The following PCSK6 variants were observed in gnomAD, a reference collection of about 807,000 sequenced individuals.
PCSK6 encodes proprotein convertase subtilisin/kexin type 6, also known as paired basic amino acid cleaving enzyme 4.
Under a neutral mutation model 123.3 loss-of-function variants are expected in PCSK6, and 85 were observed. That is an observed-to-expected ratio of 0.69 (90% CI 0.58 to 0.83). The LOEUF is 0.83. PCSK6 is among the 40% of genes least tolerant of loss of function. PCSK6 has a pLI of 0.00. For missense variants in PCSK6, 1,191 were observed against 1,282.3 expected (o/e 0.93, Z 1.09); for synonymous variants, 508 against 516.0 (o/e 0.98, Z 0.21).
In PCSK6 at chr15:101,366,210, T is replaced by C. The variant is rs781547294; in HGVS notation, c.1844A>G (p.Asn615Ser). ...GAGCCACTGACCTTGCTTCTCCGGG[T>C]TGCGGACCTGGGATGGCAGATCTTG... ...EIQDLPSQVR[N>S]PEKQGKLKEW... The change falls in exon 13 of 22, where the codon AAC (asparagine) becomes AGC (serine). Residue 615 changes from asparagine (N) to serine (S), a missense_variant. Physicochemically the swap from Asn to Ser is conservative, Grantham distance 46. Around this residue, in one of 3 missense-constraint regions of PCSK6, gnomAD observed 630 missense variants for 631.4 expected, o/e 1.00. Coordinates refer to ENST00000611716, the MANE Select transcript of PCSK6 (RefSeq NM_002570.5). 3.7e-6 allele frequency: 6 copies of C among 1,612,502 alleles called. No homozygotes were observed. In the African/African-American group the frequency reaches 8.0e-5, roughly 22 times the overall value.
At chr15:101,431,666 G>A (rs2056451476) in intron 3 of PCSK6, among the ~76,000 whole-genome samples, 2 of 152,232 alleles carry the variant, frequency 1.3e-5, no homozygotes, top group Admixed American at 6.5e-5. Context: ...TTCTGCACCT[G>A]CAATCTATAT....
chr15:101,403,758 T>C (rs1256639316), intron 6 of PCSK6, among the ~76,000 whole-genome samples: 2 of 152,182 alleles, frequency 1.3e-5, no homozygotes, highest in Non-Finnish European at 2.9e-5. Context: ...CTCGCTCTGT[T>C]GCCCAGGTTG....
intron 13 of PCSK6, among the ~76,000 whole-genome samples, chr15:101,342,791 A>G (rs989133395): frequency 2.6e-5 from 4 of 152,316 alleles, no homozygotes; most frequent in Admixed American, 6.5e-5. Context: ...AATCCCAGCT[A>G]CTTGGGAGAC....
At chr15:101,368,764 A>G (rs1318629400) in intron 12 of PCSK6, among the ~76,000 whole-genome samples, 1 of 152,182 alleles carries the variant, frequency 6.6e-6, no homozygotes, top group African/African-American at 2.4e-5. Context: ...ACACTCGCCC[A>G]CCTGCTCAGC....
intron 1 of PCSK6, among the ~76,000 whole-genome samples, chr15:101,476,524 C>CAAAA (rs3031709): frequency 7.2e-6 from 1 of 138,592 alleles, no homozygotes; most frequent in Non-Finnish European, 1.6e-5. Flanking sequence ...TAGGTAGGTC[C>CAAAA]AAAAAAAAAA....
intron 8 of PCSK6, 43 bp from the exon 9 acceptor site, chr15:101,389,607 G>T: frequency 6.7e-7 from 1 of 1,494,910 alleles, no homozygotes; most frequent in Non-Finnish European, 9.2e-7. Context: ...TGGCAGACAG[G>T]CTAACTCACT....
chr15:101,311,284 CAT>C (rs1007814433), intron 20 of PCSK6, among the ~76,000 whole-genome samples: 12 of 130,380 alleles, frequency 9.2e-5, no homozygotes, highest in African/African-American at 3.9e-4. Context: ...CTAATTTTTG[CAT>C]TTTTTTTTTT....
At position 101,489,357 on chromosome 15, in the gene PCSK6, G is replaced by A; in HGVS notation, c.297+17C>T. On this transcript the variant is annotated intron_variant, in intron 1 of 21. Coordinates refer to ENST00000611716, the MANE Select transcript of PCSK6 (RefSeq NM_002570.5). Reference sequence around the variant, plus strand: ...CCGCCGGGAAAGTTTTGGGCGCGCGGGGCCGGCCGCACTCACCTGGCCCAA... The same window carrying A: ...CCGCCGGGAAAGTTTTGGGCGCGCGAGGCCGGCCGCACTCACCTGGCCCAA... The A allele has an allele frequency of 8.7e-7, 1 of 1,154,778 alleles. No individual in the cohort carries two copies. Among genetic ancestry groups the A allele is most frequent in the Non-Finnish European group, 1.1e-6 (1 of 937,346 alleles). 71.5% of individuals were successfully genotyped at this position (1,154,778 alleles called of 1,614,324 possible).
At chr15:101,441,114 G>A (rs1462512278) in intron 2 of PCSK6, among the ~76,000 whole-genome samples, 1 of 152,166 alleles carries the variant, frequency 6.6e-6, no homozygotes, top group Non-Finnish European at 1.5e-5. Flanking sequence ...CTTGCCAGGA[G>A]CTTATTAAGA....
At chr15:101,461,405 G>A (rs2057337898) in intron 1 of PCSK6, among the ~76,000 whole-genome samples, 1 of 152,150 alleles carries the variant, frequency 6.6e-6, no homozygotes, top group South Asian at 2.1e-4. Flanking sequence ...GGCCTAGACA[G>A]TTTCACAGGT....
intron 15 of PCSK6, among the ~76,000 whole-genome samples, chr15:101,328,810 A>C (rs1277323200): frequency 2.0e-5 from 3 of 152,192 alleles, no homozygotes; most frequent in Non-Finnish European, 4.4e-5. Context: ...AAACCTCCCC[A>C]GTATGGCTGT....
At chr15:101,400,331 C>A (rs2042550990) in intron 6 of PCSK6, among the ~76,000 whole-genome samples, 1 of 152,240 alleles carries the variant, frequency 6.6e-6, no homozygotes, top group Non-Finnish European at 1.5e-5. Flanking sequence ...CAGCTCCCTG[C>A]CATCATGCAC....
At chr15:101,347,314 A>C (rs998811715) in intron 13 of PCSK6, 146 of 1,234,640 alleles carry the variant, frequency 1.2e-4, no homozygotes, top group Non-Finnish European at 1.3e-4. Context: ...AACACAGATC[A>C]AGATGGCTAG....
At chr15:101,437,323 C>T (rs925359061) in intron 2 of PCSK6, among the ~76,000 whole-genome samples, 1 of 152,220 alleles carries the variant, frequency 6.6e-6, no homozygotes, top group African/African-American at 2.4e-5. Context: ...CCACCTCCGG[C>T]GCAGCACTGG....
Position 101,398,614 on chromosome 15 carries a change from C to A in PCSK6, c.824-38G>T, listed in dbSNP as rs772619250. On this transcript the variant is annotated intron_variant, in intron 6 of 21. Transcript: ENST00000611716. The surrounding 1 kb of genome is among the most constrained non-coding windows in gnomAD (Gnocchi z 4.6). Reference sequence around the variant, plus strand: ...AGGAGGCTCGGTGTCGGCGCCCAGGCTCCGGGCACACAGCGACGGGAACCC... The same window carrying A: ...AGGAGGCTCGGTGTCGGCGCCCAGGATCCGGGCACACAGCGACGGGAACCC... 22 of 1,587,492 alleles carry A rather than the reference C, an allele frequency of 1.4e-5. No homozygotes were observed. The highest frequency in any genetic ancestry group is 1.7e-5 in the Admixed American group (1 of 59,170).
At chr15:101,416,693 A>G (rs28766379) in intron 6 of PCSK6, among the ~76,000 whole-genome samples, 47,341 of 152,210 alleles carry the variant, frequency 0.31, 7,962 homozygotes, top group African/African-American at 0.44. Flanking sequence ...GACTTGGTGC[A>G]CTGTGTCCTA....
intron 1 of PCSK6, among the ~76,000 whole-genome samples, chr15:101,480,464 G>C (rs1451526207): frequency 6.6e-6 from 1 of 152,260 alleles, no homozygotes; most frequent in Non-Finnish European, 1.5e-5. Flanking sequence ...GCATTGATGG[G>C]CTGGTTGCCA....
chr15:101,447,755 G>A (rs1202938905), intron 1 of PCSK6, among the ~76,000 whole-genome samples: 1 of 152,252 alleles, frequency 6.6e-6, no homozygotes, highest in Non-Finnish European at 1.5e-5. Context: ...CTGCTTGGCT[G>A]TGGCCTCGGA....
At chr15:101,306,552 C>A (rs528369856) in intron 21 of PCSK6, among the ~76,000 whole-genome samples, 5 of 152,302 alleles carry the variant, frequency 3.3e-5, no homozygotes, top group African/African-American at 1.2e-4. Context: ...CCAGAGCCCC[C>A]TTCCCTGCCC....
Sources: gnomAD v4.1 joint callset for allele counts (sites outside exome capture counted in the v4.1 genomes callset) on GRCh38, gnomAD v4.1.1 for gene constraint, gnomAD v4.1.1 regional missense constraint, Gnocchi (gnomAD v3.1) non-coding constraint, MANE v1.5 for transcripts, NCBI Gene and HGNC (gene_info 2026-07-23, HGNC 2026-07-21) for gene names.